XKR6: variants seen among roughly 807,000 people sequenced by gnomAD.
XKR6 encodes XK-related protein 6.
A neutral mutation model predicts 56.7 loss-of-function variants in XKR6; 22 were observed. The observed-to-expected ratio is 0.39, with a 90% CI of 0.28 to 0.55. XKR6 has a LOEUF of 0.55. Among genes scored for constraint, XKR6 ranks in the 20% least tolerant of loss-of-function variants. XKR6 has a pLI of 0.66. For missense variants in XKR6, 852 were observed against 889.0 expected, an observed-to-expected ratio of 0.96 and a Z score of 0.53; for synonymous variants, 524 against 387.8, an observed-to-expected ratio of 1.35 and a Z score of -4.13.
At chr8:10,975,592 C>T (rs770857012) in intron 1 of XKR6, among the ~76,000 whole-genome samples, 2 of 152,302 alleles carry the variant, frequency 1.3e-5, no homozygotes, top group South Asian at 2.1e-4. Context: ...CGTGTGGTCT[C>T]GCGGATTTGT....
At chr8:11,016,818 G>A (rs1255012306) in intron 1 of XKR6, among the ~76,000 whole-genome samples, 1 of 152,188 alleles carries the variant, frequency 6.6e-6, no homozygotes, top group African/African-American at 2.4e-5. Flanking sequence ...GGCCAGCCGA[G>A]CCCAAAAGGC....
At position 11,004,946 on chromosome 8, in the gene XKR6, G is replaced by T. The variant is rs12677516; in HGVS notation, c.765-80116C>A. Among the ~76,000 whole-genome samples, 41 of 152,240 alleles carry T rather than the reference G, an allele frequency of 2.7e-4. No homozygotes were observed. In the East Asian group the frequency reaches 7.7e-3, roughly 29 times the overall value. ...GAAATCAGCCAATCACATAAAGACA[G>T]AAATTGTATGATTCTACTTAAATGA... On this transcript the variant is annotated intron_variant, in intron 1 of 2. Transcript: ENST00000416569.
intron 1 of XKR6, among the ~76,000 whole-genome samples, chr8:11,122,822 T>C (rs1799520212): frequency 2.6e-5 from 4 of 152,174 alleles, no homozygotes; most frequent in Admixed American, 2.6e-4. Context: ...TCACTAATAT[T>C]TGGTATGGTT....
rs1798761886 is a variant in XKR6, at chr8:11,022,117, T to A, written c.765-97287A>T. ...AAGAAGCCCCTGCCCTGGAGAGCTT[T>A]CAGTCCACAGACAGTGCATCCTAGA... On this transcript the variant is annotated intron_variant, in intron 1 of 2. Transcript: ENST00000416569. Among the ~76,000 whole-genome samples, 2 of 149,264 alleles carry A rather than the reference T, an allele frequency of 1.3e-5. 1 individual carries two copies. The highest frequency in any genetic ancestry group is 1.3e-4 in the Admixed American group (2 of 14,854).
chr8:11,201,013 C>A lies in XKR6; in HGVS notation c.327G>T (p.Thr109=), dbSNP rs776962344. Residue 109 remains threonine, a synonymous_variant, in exon 1 of 3, where the codon ACG becomes ACT. Coordinates refer to ENST00000416569, the MANE Select transcript of XKR6 (RefSeq NM_173683.4). ...AAPGAGRQPP[T]PSAARPEPPP... is the part of the protein sequence containing the mutation. Reference sequence around the variant, plus strand: ...GCGGCTCCGGCCGCGCGGCCGAGGGCGTCGGGGGTTGGCGGCCGGCGCCGG... The same window carrying A: ...GCGGCTCCGGCCGCGCGGCCGAGGGAGTCGGGGGTTGGCGGCCGGCGCCGG... 7.8e-7 allele frequency: 1 copy of A among 1,274,084 alleles called. No homozygotes were observed. The highest frequency in any genetic ancestry group is 2.2e-4 in the Middle Eastern group (1 of 4,588). 78.9% of individuals were successfully genotyped at this position (1,274,084 alleles called of 1,614,324 possible).
intron 1 of XKR6, among the ~76,000 whole-genome samples, chr8:11,006,390 A>G (rs755820923): frequency 2.0e-5 from 3 of 152,094 alleles, no homozygotes; most frequent in Non-Finnish European, 2.9e-5. Context: ...TATGGTCACA[A>G]TTGTCACTAT....
intron 1 of XKR6, among the ~76,000 whole-genome samples, chr8:11,125,193 C>T (rs938510999): frequency 1.3e-5 from 2 of 152,012 alleles, no homozygotes; most frequent in Non-Finnish European, 2.9e-5. Context: ...GTCACATGCC[C>T]ATGACTCTGG....
intron 1 of XKR6, among the ~76,000 whole-genome samples, chr8:11,162,805 C>T (rs1271631034): frequency 6.6e-6 from 1 of 152,172 alleles, no homozygotes; most frequent in Non-Finnish European, 1.5e-5. Flanking sequence ...TGTAAGAAGC[C>T]GAAGTGTTTC....
In XKR6 at chr8:10,924,771, C is replaced by T. The variant is rs772883147; in HGVS notation, c.824G>A (p.Arg275His). The T allele has an allele frequency of 2.7e-5, 43 of 1,613,950 alleles. No homozygotes were observed. The highest frequency in any genetic ancestry group is 3.3e-5 in the Non-Finnish European group (39 of 1,180,004). ...TTCATACATCATAGCCCAGTAGAAG[C>T]GTCGCTGGTGTTCCTTCCGCCGCTG... ...QSQRRKEHQRRFYWAMMYEYA... is the reference protein window; with the variant it reads ...QSQRRKEHQRHFYWAMMYEYA... Residue 275 changes from arginine to histidine, a missense_variant, in exon 2 of 3, where the codon CGC becomes CAC. By Grantham distance (29) the Arg-to-His change is conservative. Coordinates refer to ENST00000416569, the MANE Select transcript of XKR6 (RefSeq NM_173683.4).
intron 2 of XKR6, among the ~76,000 whole-genome samples, chr8:10,911,209 T>TGA (rs1800349557): frequency 7.0e-6 from 1 of 142,948 alleles, no homozygotes; most frequent in African/African-American, 2.8e-5. Flanking sequence ...CGTGTGTGTG[T>TGA]GTGTGTGTGT....
chr8:11,031,088 T>C (rs1798982352), intron 1 of XKR6, among the ~76,000 whole-genome samples: 1 of 152,112 alleles, frequency 6.6e-6, no homozygotes, highest in Non-Finnish European at 1.5e-5. Flanking sequence ...AGGGGAACCA[T>C]GGTGGTCTTG....
chr8:11,012,821 C>G (rs1262856264), intron 1 of XKR6, among the ~76,000 whole-genome samples: 1 of 152,138 alleles, frequency 6.6e-6, no homozygotes, highest in Non-Finnish European at 1.5e-5. Context: ...CAGGCCATGT[C>G]TAATCAATGG....
chr8:11,092,155 T>C (rs910929027), intron 1 of XKR6, among the ~76,000 whole-genome samples: 4 of 152,204 alleles, frequency 2.6e-5, no homozygotes, highest in African/African-American at 7.2e-5. Context: ...CCAAATGACC[T>C]CATGCCAAAC....
chr8:10,899,179 G>A (rs918722540), intron 2 of XKR6, among the ~76,000 whole-genome samples: 1 of 152,190 alleles, frequency 6.6e-6, no homozygotes, highest in South Asian at 2.1e-4. Context: ...AGTGTGTTTT[G>A]CTAGGGGGCT....
chr8:11,112,333 T>C (rs1006815327), intron 1 of XKR6, among the ~76,000 whole-genome samples: 1 of 152,208 alleles, frequency 6.6e-6, no homozygotes, highest in African/African-American at 2.4e-5. Flanking sequence ...TGTGCTTCTA[T>C]TACATTAACT....
In XKR6 at chr8:11,171,632, A is replaced by G. The variant is rs563169037; in HGVS notation, c.764+28944T>C. Among the ~76,000 whole-genome samples, 8 of 152,278 alleles carry G rather than the reference A, an allele frequency of 5.3e-5. No individual in the cohort carries two copies. The South Asian group carries it at 1.7e-3, about 32-fold the overall frequency. ...CTTGCCGTGTGATCTCTGCACACAC[A>G]AGCCCTCTTAGCCTTCTGCCATGAG... On this transcript the variant is annotated intron_variant, in intron 1 of 2. Coordinates refer to ENST00000416569, the MANE Select transcript of XKR6 (RefSeq NM_173683.4).
chr8:11,121,538 G>T (rs1799453414), intron 1 of XKR6, among the ~76,000 whole-genome samples: 1 of 152,208 alleles, frequency 6.6e-6, no homozygotes, highest in South Asian at 2.1e-4. Context: ...GGAAACAACA[G>T]GTGCTGGAGA....
At chr8:11,058,356 T>C (rs1292479897) in intron 1 of XKR6, among the ~76,000 whole-genome samples, 1 of 152,222 alleles carries the variant, frequency 6.6e-6, no homozygotes, top group African/African-American at 2.4e-5. Context: ...ATCATTCTAC[T>C]ATAAAGACAC....
At chr8:11,151,758 T>G (rs1298068470) in intron 1 of XKR6, among the ~76,000 whole-genome samples, 1 of 152,100 alleles carries the variant, frequency 6.6e-6, no homozygotes, top group Non-Finnish European at 1.5e-5. Context: ...CCTTCTGCCT[T>G]ACATCCCCCC....
Sources: allele counts gnomAD v4.1 joint callset (sites outside exome capture counted in the v4.1 genomes callset), GRCh38; gene constraint gnomAD v4.1.1; transcripts MANE v1.5; gene names NCBI Gene and HGNC (gene_info 2026-07-23, HGNC 2026-07-21).